NFIB: variants seen among roughly 807,000 people sequenced by gnomAD.
The protein encoded by NFIB is nuclear factor 1 B-type.
Under a neutral mutation model 61.5 loss-of-function variants are expected in NFIB, and 11 were observed. The ratio of observed to expected loss-of-function variants is 0.18; its 90% CI spans 0.11 to 0.30. The LOEUF is 0.30. Ranked by LOEUF, NFIB falls within the 10% of genes least tolerant of loss-of-function variation. The pLI is 1.00. For missense variants in NFIB, 471 were observed against 608.9 expected (o/e 0.77, Z 2.38); for synonymous variants, 260 against 216.5 (o/e 1.20, Z -1.76).
At chr9:14,224,774 C>T (rs908620944) in intron 2 of NFIB, among the ~76,000 whole-genome samples, 2 of 152,146 alleles carry the variant, frequency 1.3e-5, no homozygotes. Context: ...AACCAATTCC[C>T]CCAAAATACC....
chr9:14,206,780 T>C (rs1445330419), intron 2 of NFIB, among the ~76,000 whole-genome samples: 2 of 151,908 alleles, frequency 1.3e-5, no homozygotes, highest in Non-Finnish European at 2.9e-5. Context: ...TTGGTATATA[T>C]TGCCAAGTAG....
the NFIB span, among the ~76,000 whole-genome samples, chr9:14,407,769 T>A: frequency 6.6e-6 from 1 of 152,152 alleles, no homozygotes; most frequent in African/African-American, 2.4e-5. Flanking sequence ...TCACTGTAAC[T>A]TAAACTCCTG....
chr9:14,305,928 G>T, intron 2 of NFIB: 1 of 1,269,918 alleles, frequency 7.9e-7, no homozygotes, highest in Non-Finnish European at 1.0e-6. Flanking sequence ...TTGGTATGCG[G>T]CTTTGTAAAA....
chr9:14,378,021 A>C (rs2061440127), intron 1 of NFIB, among the ~76,000 whole-genome samples: 2 of 152,158 alleles, frequency 1.3e-5, no homozygotes, highest in Admixed American at 1.3e-4. Flanking sequence ...CAGATTAACT[A>C]GCTAGGATCA....
chr9:14,492,346 G>C, the NFIB span, among the ~76,000 whole-genome samples: 1 of 151,270 alleles, frequency 6.6e-6, no homozygotes, highest in African/African-American at 2.4e-5. Flanking sequence ...CTGGGTGACA[G>C]AGTGAGACTT....
intron 2 of NFIB, among the ~76,000 whole-genome samples, chr9:14,273,141 A>G (rs901533550): frequency 3.3e-5 from 5 of 152,190 alleles, no homozygotes; most frequent in African/African-American, 7.2e-5. Flanking sequence ...CGTCTGGGAA[A>G]ACATGTTCCC....
the NFIB span, among the ~76,000 whole-genome samples, chr9:14,446,786 G>T: frequency 1.3e-5 from 2 of 152,094 alleles, no homozygotes; most frequent in Admixed American, 1.3e-4. Flanking sequence ...ACAGGGAATA[G>T]TATTAATAAA....
Position 14,146,827 on chromosome 9 carries a change from GTTATA to G in NFIB, c.807-25_807-21del. 1 of 1,598,732 alleles carries G rather than the reference GTTATA, an allele frequency of 6.3e-7. No individual in the cohort carries two copies. Among genetic ancestry groups the G allele is most frequent in the South Asian group, 1.1e-5 (1 of 87,232 alleles). On this transcript the variant is annotated intron_variant, in intron 5 of 10. Transcript: ENST00000380953. The stretch of plus-strand genomic sequence containing the variant: ...CTTTTGCTGTTAAAATATGGCAATA[GTTATA>G]TTAATGGGATTTCTGGGAAGATGTG...
intron 2 of NFIB, among the ~76,000 whole-genome samples, chr9:14,246,685 T>G (rs908398822): frequency 6.6e-6 from 1 of 152,152 alleles, no homozygotes; most frequent in African/African-American, 2.4e-5. Flanking sequence ...TTAGGAAACA[T>G]CCTATGCCAA....
At chr9:14,342,902 A>G (rs998879608) in intron 1 of NFIB, among the ~76,000 whole-genome samples, 2 of 152,138 alleles carry the variant, frequency 1.3e-5, no homozygotes, top group African/African-American at 4.8e-5. Flanking sequence ...CTCTTCTCAG[A>G]CTAAATGAGT....
At chr9:14,308,560 G>C (rs2060135809) in intron 1 of NFIB, among the ~76,000 whole-genome samples, 2 of 152,104 alleles carry the variant, frequency 1.3e-5, no homozygotes, top group Admixed American at 1.3e-4. Flanking sequence ...ATGGCAACTT[G>C]GCACCAACTT....
Position 14,083,712 on chromosome 9 carries a change from T to A in NFIB, c.*4597A>T. ...AGCCTTCATCATTTCACACAGTACA[T>A]AGAATTTGAATCTAGGTAAAGAACA... On this transcript the variant is annotated 3_prime_UTR_variant, in exon 11 of 11. Transcript: ENST00000380953. 4.5e-6 allele frequency: 1 copy of A among 224,142 alleles called. No homozygotes were observed. Among genetic ancestry groups the A allele is most frequent in the Non-Finnish European group, 8.9e-6 (1 of 111,978 alleles). 13.9% of individuals were successfully genotyped at this position (224,142 alleles called of 1,614,324 possible).
At chr9:14,169,971 A>G (rs2045384405) in intron 3 of NFIB, among the ~76,000 whole-genome samples, 1 of 152,236 alleles carries the variant, frequency 6.6e-6, no homozygotes. Flanking sequence ...CTTTAATCCT[A>G]TAAGGTAGAA....
At chr9:14,204,013 T>C (rs2049345839) in intron 2 of NFIB, among the ~76,000 whole-genome samples, 1 of 152,170 alleles carries the variant, frequency 6.6e-6, no homozygotes, top group South Asian at 2.1e-4. Context: ...AGCCAACACT[T>C]TCCCATTTGC....
intron 6 of NFIB, among the ~76,000 whole-genome samples, chr9:14,142,259 C>T (rs192154766): frequency 6.6e-6 from 1 of 152,118 alleles, no homozygotes; most frequent in East Asian, 1.9e-4. Context: ...GTGTTGTTCT[C>T]GTGATAGTGA....
intron 1 of NFIB, among the ~76,000 whole-genome samples, chr9:14,389,313 C>G (rs750480486): frequency 7.2e-5 from 11 of 152,108 alleles, no homozygotes; most frequent in Non-Finnish European, 4.4e-5. Context: ...TCATCCCTCC[C>G]CCTTTCTCCT....
At chr9:14,191,144 A>T (rs923715149) in intron 2 of NFIB, among the ~76,000 whole-genome samples, 1 of 152,026 alleles carries the variant, frequency 6.6e-6, no homozygotes, top group Non-Finnish European at 1.5e-5. Flanking sequence ...CCTGGCCAAC[A>T]TGGTGAAACT....
chr9:14,393,745 T>C lies in NFIB; in HGVS notation c.108+4779A>G, dbSNP rs776826107. ...TTTACTGAGTTGTCTGCAGAGACCA[T>C]TTCCAAGAACTGATAATAAAACAAA... On this transcript the variant is annotated intron_variant, in intron 1 of 8. Transcript: ENST00000380934. 3.2e-4 allele frequency among the ~76,000 whole-genome samples: 49 copies of C among 152,202 alleles called. 1 individual carries two copies. The highest frequency in any genetic ancestry group is 3.4e-4 in the Non-Finnish European group (23 of 68,034).
intron 2 of NFIB, among the ~76,000 whole-genome samples, chr9:14,295,633 AAAACAAAC>A (rs35605571): frequency 9.0e-4 from 135 of 149,730 alleles, no homozygotes; most frequent in African/African-American, 2.1e-3. Context: ...TCCTTCTCAA[AAAACAAAC>A]AAACAAACAA....
Sources: gnomAD v4.1 joint callset for allele counts (sites outside exome capture counted in the v4.1 genomes callset) on GRCh38, gnomAD v4.1.1 for gene constraint, MANE v1.5 for transcripts, NCBI Gene and HGNC (gene_info 2026-07-23, HGNC 2026-07-21) for gene names.